ATXN7: variants seen among roughly 807,000 people sequenced by gnomAD.
The protein encoded by ATXN7 is ataxin 7.
In ATXN7, 12 loss-of-function variants were observed where a neutral mutation model predicts 70.5. That is an observed-to-expected ratio of 0.17 (90% CI 0.11 to 0.28). The LOEUF (loss-of-function observed/expected upper bound fraction) is 0.28, where lower values mean the gene tolerates loss of function less well. ATXN7 is among the 10% of genes least tolerant of loss of function. The pLI, the probability that ATXN7 is intolerant of heterozygous loss-of-function variation, is 1.00. For missense variants in ATXN7, 1,256 were observed against 1,131.7 expected (o/e 1.11, Z -1.58); for synonymous variants, 498 against 448.7 (o/e 1.11, Z -1.39).
At chr3:63,984,893 A>T (rs959671244) in intron 8 of ATXN7, among the ~76,000 whole-genome samples, 1 of 152,130 alleles carries the variant, frequency 6.6e-6, no homozygotes, top group Non-Finnish European at 1.5e-5. Context: ...TCATTATGTG[A>T]CTGGGTTATT....
chr3:63,869,107 A>G (rs1054832992), intron 1 of ATXN7, among the ~76,000 whole-genome samples: 8 of 152,334 alleles, frequency 5.3e-5, no homozygotes, highest in Admixed American at 2.6e-4. Flanking sequence ...TACTATTTCT[A>G]TAGTCTTAAC....
chr3:63,951,893 A>T (rs1363626115), intron 4 of ATXN7, among the ~76,000 whole-genome samples: 2 of 152,232 alleles, frequency 1.3e-5, no homozygotes, highest in Non-Finnish European at 2.9e-5. Flanking sequence ...GAAAAAATAT[A>T]TTAAAATAAT....
In ATXN7 at chr3:63,988,111, A is replaced by G; in HGVS notation, c.1148A>G (p.Asp383Gly). Residue 383 changes from aspartate (D) to glycine (G), a missense_variant, in exon 9 of 13, where the codon GAT becomes GGT. By Grantham distance (94) the Asp-to-Gly change is moderately conservative. Coordinates refer to ENST00000674280, the MANE Select transcript of ATXN7 (RefSeq NM_001377405.1). ...GTCCAGGGTAGAAGAAAACGATTTGATGTGTTATTAGCCGAGCACAAAAAC... is the reference window on the plus strand; with the variant it reads ...GTCCAGGGTAGAAGAAAACGATTTGGTGTGTTATTAGCCGAGCACAAAAAC... The part of the protein sequence containing the change: ...RAVQGRRKRF[D>G]VLLAEHKNKT... 1 of 1,614,104 alleles carries G rather than the reference A, an allele frequency of 6.2e-7. No homozygotes were observed. Among genetic ancestry groups the G allele is most frequent in the South Asian group, 1.1e-5 (1 of 91,070 alleles).
chr3:63,997,861 G>A (rs1010916034), intron 12 of ATXN7: 7 of 985,246 alleles, frequency 7.1e-6, no homozygotes, highest in Non-Finnish European at 8.4e-6. Flanking sequence ...CCAAAGGTAT[G>A]GGGAAAATAT....
chr3:63,887,092 A>T (rs1367996332), intron 1 of ATXN7, among the ~76,000 whole-genome samples: 1 of 152,244 alleles, frequency 6.6e-6, no homozygotes, highest in South Asian at 2.1e-4. Context: ...AGGAGCGAAC[A>T]GGAAGGTATT....
At chr3:63,967,826 G>A in intron 5 of ATXN7, 2 of 1,520,634 alleles carry the variant, frequency 1.3e-6, no homozygotes, top group East Asian at 2.5e-5. Context: ...CAAACATGGA[G>A]CATATTTGGA....
intron 7 of ATXN7, 23 bp downstream of exon 7, chr3:63,982,468 C>T (rs964139648): frequency 6.5e-7 from 1 of 1,549,794 alleles, no homozygotes; most frequent in Non-Finnish European, 8.8e-7. Context: ...TTTCTTTCTT[C>T]ATAATGCTTC....
Position 63,913,237 on chromosome 3 carries a change from C to A in ATXN7, c.394+12C>A, listed in dbSNP as rs773251779. On this transcript the variant is annotated intron_variant, in intron 4 of 12. Transcript: ENST00000674280. ...GCTCTGTCGGGAAGGTGAGTCCAGC[C>A]CCCCTGATGGAGTTTGTACAAACCC... is the stretch of plus-strand genomic sequence containing the variant. 2.5e-6 allele frequency: 4 copies of A among 1,612,782 alleles called. No individual in the cohort carries two copies. Among genetic ancestry groups the A allele is most frequent in the African/African-American group, 1.3e-5 (1 of 74,902 alleles).
At chr3:63,880,295 A>T (rs926016752) in intron 1 of ATXN7, among the ~76,000 whole-genome samples, 1 of 152,204 alleles carries the variant, frequency 6.6e-6, no homozygotes, top group Admixed American at 6.5e-5. Flanking sequence ...AAAGTGATGT[A>T]GTCTGTCTTT....
At chr3:63,936,012 A>G (rs1365689761) in intron 4 of ATXN7, among the ~76,000 whole-genome samples, 1 of 152,230 alleles carries the variant, frequency 6.6e-6, no homozygotes, top group Non-Finnish European at 1.5e-5. Context: ...TTCAATGCAT[A>G]TTGTTTTGAA....
At chr3:63,978,164 A>G (rs1482399075) in intron 5 of ATXN7, among the ~76,000 whole-genome samples, 2 of 152,212 alleles carry the variant, frequency 1.3e-5, no homozygotes, top group Admixed American at 6.5e-5. Context: ...CTGGATGCCT[A>G]GTCCACACCC....
At chr3:63,960,132 T>G (rs1313757501) in intron 5 of ATXN7, among the ~76,000 whole-genome samples, 1 of 152,204 alleles carries the variant, frequency 6.6e-6, no homozygotes, top group Non-Finnish European at 1.5e-5. Flanking sequence ...AGTTGATGTT[T>G]AAACTCAGTG....
intron 6 of ATXN7, chr3:63,980,470 G>A (rs2075467598): frequency 3.3e-6 from 1 of 305,632 alleles, no homozygotes. Context: ...AATAGGTACT[G>A]TTACTATCCT....
At chr3:63,896,535 T>G (rs536938042) in intron 1 of ATXN7, among the ~76,000 whole-genome samples, 1 of 152,296 alleles carries the variant, frequency 6.6e-6, no homozygotes, top group Non-Finnish European at 1.5e-5. Context: ...CTAGGTAATC[T>G]TGAGCAAATT....
chr3:63,894,524 GTGTTT>G (rs1221523233), intron 1 of ATXN7, among the ~76,000 whole-genome samples: 1 of 152,098 alleles, frequency 6.6e-6, no homozygotes, highest in Non-Finnish European at 1.5e-5. Flanking sequence ...CATTCTCAAT[GTGTTT>G]TGTTTTGTTT....
chr3:63,965,024 C>T (rs762061250), intron 5 of ATXN7, among the ~76,000 whole-genome samples: 1 of 152,112 alleles, frequency 6.6e-6, no homozygotes, highest in Non-Finnish European at 1.5e-5. Flanking sequence ...CTGCCAACAG[C>T]TTGTTTATTG....
At chr3:63,984,938 CTTG>C (rs1186075406) in intron 8 of ATXN7, among the ~76,000 whole-genome samples, 3 of 152,160 alleles carry the variant, frequency 2.0e-5, no homozygotes, top group Admixed American at 6.5e-5. Context: ...TTACCTCATA[CTTG>C]TTGTAGCATA....
chr3:63,955,666 A>C (rs1242026430), intron 5 of ATXN7, among the ~76,000 whole-genome samples: 7 of 151,958 alleles, frequency 4.6e-5, no homozygotes, highest in Admixed American at 4.6e-4. Flanking sequence ...TTAACAAAAC[A>C]CAGTTTTCAA....
chr3:63,891,988 AT>A (rs1180047459), intron 1 of ATXN7, among the ~76,000 whole-genome samples: 22 of 152,282 alleles, frequency 1.4e-4, no homozygotes, highest in Middle Eastern at 3.4e-3. Context: ...GAAGCCATTT[AT>A]CTGTTACAGA....
Sources: gnomAD v4.1 joint callset for allele counts (sites outside exome capture counted in the v4.1 genomes callset) on GRCh38, gnomAD v4.1.1 for gene constraint, MANE v1.5 for transcripts, NCBI Gene and HGNC (gene_info 2026-07-23, HGNC 2026-07-21) for gene names.